CALN1: variants seen among roughly 807,000 people sequenced by gnomAD.
The protein encoded by CALN1 is calcium-binding protein 8.
CALN1 carries 17 observed loss-of-function variants against 30.6 expected under a neutral mutation model. That is an observed-to-expected ratio of 0.56 (90% CI 0.38 to 0.83). The LOEUF (loss-of-function observed/expected upper bound fraction) is 0.83, where lower values mean the gene tolerates loss of function less well. Ranked by LOEUF, CALN1 falls within the 40% of genes least tolerant of loss-of-function variation. The probability of loss-of-function intolerance (pLI) is 0.00; values close to 1 mark genes in which losing one functional copy is unlikely to be tolerated. For missense variants in CALN1, 291 were observed against 354.9 expected (o/e 0.82, Z 1.45); for synonymous variants, 156 against 131.4 (o/e 1.19, Z -1.28).
chr7:72,405,631 C>T (rs1187544550), intron 1 of CALN1, among the ~76,000 whole-genome samples: 4 of 152,056 alleles, frequency 2.6e-5, no homozygotes, highest in African/African-American at 9.7e-5. Flanking sequence ...CCCACACACG[C>T]GGCACATGCC....
chr7:71,993,936 C>CA (rs1200094473), intron 5 of CALN1, among the ~76,000 whole-genome samples: 1 of 152,056 alleles, frequency 6.6e-6, no homozygotes, highest in Non-Finnish European at 1.5e-5. Flanking sequence ...ATTTTTACTA[C>CA]AAAAAATGTT....
At chr7:71,897,300 A>C (rs1793583912) in intron 5 of CALN1, among the ~76,000 whole-genome samples, 1 of 152,188 alleles carries the variant, frequency 6.6e-6, no homozygotes, top group African/African-American at 2.4e-5. Flanking sequence ...GGGACTTGTA[A>C]GCATAATTTC....
At chr7:72,370,451 G>A (rs866756269) in intron 2 of CALN1, among the ~76,000 whole-genome samples, 1 of 151,648 alleles carries the variant, frequency 6.6e-6, no homozygotes, top group Non-Finnish European at 1.5e-5. Flanking sequence ...TCAGGAGATC[G>A]AGACCATCCT....
At chr7:72,022,270 G>T (rs1240953388) in intron 5 of CALN1, among the ~76,000 whole-genome samples, 2 of 152,258 alleles carry the variant, frequency 1.3e-5, no homozygotes, top group Non-Finnish European at 2.9e-5. Context: ...TGTACAGCAT[G>T]CACAGAGTGA....
intron 5 of CALN1, among the ~76,000 whole-genome samples, chr7:71,990,603 T>A (rs1209941337): frequency 6.6e-6 from 1 of 151,932 alleles, no homozygotes; most frequent in African/African-American, 2.4e-5. Flanking sequence ...CAGGTATGCA[T>A]CACCACGCCC....
At chr7:71,833,898 A>G (rs1304510627) in intron 5 of CALN1, among the ~76,000 whole-genome samples, 2 of 152,008 alleles carry the variant, frequency 1.3e-5, no homozygotes, top group African/African-American at 4.8e-5. Flanking sequence ...GCAAAGTGAG[A>G]TCCTGTCTCT....
rs532817451 is a variant in CALN1, at chr7:72,322,170, C to T, written c.120-43360G>A. On this transcript the variant is annotated intron_variant, in intron 2 of 6. Transcript: ENST00000395275. ...TTTTCTGCAACTGGATGGTCCCATC[C>T]GGGGGTGCTGGGAGATAGTGACAGA... Among the ~76,000 whole-genome samples the T allele has an allele frequency of 1.2e-3, 185 of 152,194 alleles. 1 individual carries two copies. Among genetic ancestry groups the T allele is most frequent in the African/African-American group, 4.2e-3 (173 of 41,508 alleles).
At position 71,784,754 on chromosome 7, in the gene CALN1, GAATGAGGGGTGAGCTAT is replaced by G. The variant is rs1367613026; in HGVS notation, c.*3004_*3020del. ...CACTGGTTCCTAAGTCCGGAGGACA[GAATGAGGGGTGAGCTAT>G]TCCCTCTCAATTCCTGCGGAAGTCA... On this transcript the variant is annotated 3_prime_UTR_variant, in exon 7 of 7. Coordinates refer to ENST00000395275, the MANE Select transcript of CALN1 (RefSeq NM_031468.4). 5.0e-6 allele frequency: 2 copies of G among 398,526 alleles called. No individual in the cohort carries two copies. The highest frequency in any genetic ancestry group is 8.8e-6 in the Non-Finnish European group (2 of 226,106). The allele number at this position is 398,526 out of a possible 1,614,324, so 24.7% of individuals were successfully genotyped here. A position where few individuals can be genotyped will look rare whatever the true frequency, so the allele number is the denominator to read the frequency against.
intron 3 of CALN1, among the ~76,000 whole-genome samples, chr7:72,108,321 C>A (rs1807321891): frequency 6.6e-6 from 1 of 152,370 alleles, no homozygotes. Context: ...TTCATCACAT[C>A]TTCAAAGACT....
At chr7:72,468,272 A>G in the CALN1 span, among the ~76,000 whole-genome samples, 1 of 152,260 alleles carries the variant, frequency 6.6e-6, no homozygotes, top group Non-Finnish European at 1.5e-5. Flanking sequence ...TAAGAGGGGA[A>G]TTGCTAGATC....
chr7:71,961,667 G>T (rs1423290532), intron 5 of CALN1, among the ~76,000 whole-genome samples: 2 of 152,134 alleles, frequency 1.3e-5, no homozygotes, highest in Non-Finnish European at 2.9e-5. Context: ...GCACCTCTCT[G>T]CCCTGGGCCC....
chr7:71,970,908 A>G (rs1332309114), intron 5 of CALN1, among the ~76,000 whole-genome samples: 1 of 152,196 alleles, frequency 6.6e-6, no homozygotes, highest in Non-Finnish European at 1.5e-5. Context: ...ATTGAGAGCC[A>G]ATTTCAGGCT....
rs565481775 is a variant in CALN1 at position 72,218,365 on chromosome 7, T to C, written c.244+60321A>G. 2.0e-5 allele frequency among the ~76,000 whole-genome samples: 3 copies of C among 152,044 alleles called. No individual in the cohort carries two copies. The East Asian group carries it at 5.9e-4, about 30-fold the overall frequency. On this transcript the variant is annotated intron_variant, in intron 3 of 6. Coordinates refer to ENST00000395275, the MANE Select transcript of CALN1 (RefSeq NM_031468.4). ...CAGGAAGCTAAGGCAGGAGAATCACTTGAACCCAGCAGGAGGAGGTTGCAG... is the reference window on the plus strand; with the variant it reads ...CAGGAAGCTAAGGCAGGAGAATCACCTGAACCCAGCAGGAGGAGGTTGCAG...
intron 5 of CALN1, among the ~76,000 whole-genome samples, chr7:71,908,176 C>G (rs980417390): frequency 6.6e-6 from 1 of 152,136 alleles, no homozygotes; most frequent in Admixed American, 6.5e-5. Flanking sequence ...CCTCCTGAAC[C>G]CTTTGGTGGC....
chr7:72,469,727 C>T, the CALN1 span, among the ~76,000 whole-genome samples: 1 of 152,148 alleles, frequency 6.6e-6, no homozygotes, highest in African/African-American at 2.4e-5. Flanking sequence ...CAATTCTATC[C>T]CATTGATAAA....
intron 2 of CALN1, among the ~76,000 whole-genome samples, chr7:72,340,333 A>G (rs1175684588): frequency 7.9e-6 from 1 of 125,842 alleles, no homozygotes; most frequent in African/African-American, 3.1e-5. Flanking sequence ...CCCACCTTCC[A>G]AAGTATTGGG....
chr7:71,883,522 C>T (rs899791143), intron 5 of CALN1, among the ~76,000 whole-genome samples: 2 of 152,048 alleles, frequency 1.3e-5, no homozygotes, highest in Non-Finnish European at 2.9e-5. Context: ...TAATAATGAG[C>T]AGGAATAAGG....
chr7:71,846,854 GTA>G lies in CALN1; in HGVS notation c.502-36364_502-36363del, dbSNP rs986116759. On this transcript the variant is annotated intron_variant, in intron 5 of 6. Transcript: ENST00000395275. The stretch of plus-strand genomic sequence containing the variant: ...ATATACATGTGTATATATTATATAT[GTA>G]TATATGTATGTATATATAATATATA... Among the ~76,000 whole-genome samples the G allele has an allele frequency of 2.9e-3, 391 of 132,818 alleles. 2 individuals carry two copies. Among genetic ancestry groups the G allele is most frequent in the African/African-American group, 1.0e-2 (373 of 37,370 alleles). 87.1% of individuals were successfully genotyped at this position (132,818 alleles called of 152,430 possible). A position where few individuals can be genotyped will look rare whatever the true frequency, so the allele number is the denominator to read the frequency against.
chr7:72,006,010 T>C (rs1799754691), intron 5 of CALN1, among the ~76,000 whole-genome samples: 2 of 152,226 alleles, frequency 1.3e-5, no homozygotes, highest in South Asian at 4.1e-4. Context: ...ATCTCAGTTA[T>C]GATATTGTAT....
Sources: gnomAD v4.1 joint callset for allele counts (sites outside exome capture counted in the v4.1 genomes callset) on GRCh38, gnomAD v4.1.1 for gene constraint, MANE v1.5 for transcripts, NCBI Gene and HGNC (gene_info 2026-07-23, HGNC 2026-07-21) for gene names.